CARD10: variants seen among roughly 807,000 people sequenced by gnomAD.
The protein encoded by CARD10 is caspase recruitment domain-containing protein 10.
A neutral mutation model predicts 114.6 loss-of-function variants in CARD10; 49 were observed. The ratio of observed to expected loss-of-function variants is 0.43; its 90% CI spans 0.34 to 0.54. CARD10 has a LOEUF of 0.54. Among genes scored for constraint, CARD10 ranks in the 20% least tolerant of loss-of-function variants. CARD10 has a pLI of 0.03. For missense variants in CARD10, 1,206 were observed against 1,397.2 expected, an observed-to-expected ratio of 0.86 and a Z score of 2.18; for synonymous variants, 602 against 593.2, an observed-to-expected ratio of 1.01 and a Z score of -0.21.
rs767082361 is a variant in CARD10, at chr22:37,497,055, C to G, written c.1911G>C (p.Leu637=). 7 of 1,614,054 alleles carry G rather than the reference C, an allele frequency of 4.3e-6. No individual in the cohort carries two copies. The highest frequency in any genetic ancestry group is 5.9e-6 in the Non-Finnish European group (7 of 1,179,978). The change falls in exon 12 of 20, where the codon CTG becomes CTC. Residue 637 remains leucine, a synonymous_variant. Coordinates refer to ENST00000251973, the MANE Select transcript of CARD10 (RefSeq NM_014550.4). ...CCATCCTGGCGGACCCAGGCCCAGA[C>G]AGCACCCTGCGCACCACAGCCCCAG... ...RWSGAVVRRV[L]SGPGSARMEP...
Position 37,502,407 on chromosome 22 carries a change from G to C in CARD10, c.1787+195C>G, listed in dbSNP as rs1017561477. Among the ~76,000 whole-genome samples, 4 of 152,200 alleles carry C rather than the reference G, an allele frequency of 2.6e-5. 1 individual carries two copies. Among genetic ancestry groups the C allele is most frequent in the African/African-American group, 9.7e-5 (4 of 41,438 alleles). ...TGAGGAAATGGAGGCCCAGAGAAGT[G>C]AAGGGACCAGCCCAAGTCACAGGGA... is the stretch of plus-strand genomic sequence containing the variant. On this transcript the variant is annotated intron_variant, in intron 11 of 19. Coordinates refer to ENST00000251973, the MANE Select transcript of CARD10 (RefSeq NM_014550.4).
rs749698833 is a variant in CARD10, at chr22:37,515,991, G to A, written c.681C>T (p.Ser227=). 1 of 1,586,540 alleles carries A rather than the reference G, an allele frequency of 6.3e-7. No homozygotes were observed. Among genetic ancestry groups the A allele is most frequent in the South Asian group, 1.1e-5 (1 of 88,064 alleles). The change falls in exon 3 of 20, where the codon AGC becomes AGT. Residue 227 remains serine (S), a synonymous_variant. Transcript: ENST00000251973. ...GGCCTACCGCCAGCTGCAGGTCACG[G>A]CTGCGAAGTACAGCCGAGTTCTTCT... ...SEEKNSAVLR[S]RDLQLAVDQL... is the part of the protein sequence containing the mutation.
intron 14 of CARD10, 61 bp from the exon 15 acceptor site, chr22:37,495,647 AC>A: frequency 2.5e-6 from 4 of 1,610,738 alleles, no homozygotes; most frequent in Middle Eastern, 1.7e-4. Context: ...TTCTCCTCGA[AC>A]CCCCCGCCCT....
rs374863849 is a variant in CARD10, at chr22:37,495,727, G to A, written c.2303+33C>T. The A allele has an allele frequency of 5.1e-4, 826 of 1,612,512 alleles. 2 individuals carry two copies. The highest frequency in any genetic ancestry group is 6.4e-4 in the Non-Finnish European group (758 of 1,178,992). On this transcript the variant is annotated intron_variant, in intron 14 of 19. Coordinates refer to ENST00000251973, the MANE Select transcript of CARD10 (RefSeq NM_014550.4). Reference sequence around the variant, plus strand: ...CCCATCTGAGCCCTGGCTCCCAGGGGGACCCCATCCCCAGCTCCTGGCTCT... The same window carrying A: ...CCCATCTGAGCCCTGGCTCCCAGGGAGACCCCATCCCCAGCTCCTGGCTCT...
intron 11 of CARD10, among the ~76,000 whole-genome samples, chr22:37,500,138 G>A (rs1186645543): frequency 2.0e-5 from 3 of 152,214 alleles, no homozygotes; most frequent in African/African-American, 7.2e-5. Context: ...ACTGAAGCAT[G>A]CCACACAGAT....
In CARD10 at chr22:37,508,666, C is replaced by A. The variant is rs1458526362; in HGVS notation, c.926G>T (p.Gly309Val). ...CAGGATGCGCTCGGAGCCCGGGGCC[C>A]CCGGCCGGCTCGCCTCCTGGGGATC... The part of the protein sequence containing the change: ...EGLQQEASRP[G>V]APGSERILLD... The change falls in exon 5 of 20, where the codon GGG becomes GTG. Residue 309 changes from glycine to valine, a missense_variant. Around this residue, in one of 2 missense-constraint regions of CARD10, gnomAD observed 1,068 missense variants for 1,179.1 expected, o/e 0.91. Transcript: ENST00000251973. 1.3e-6 allele frequency: 2 copies of A among 1,569,660 alleles called. No individual in the cohort carries two copies. Among genetic ancestry groups the A allele is most frequent in the East Asian group, 2.3e-5 (1 of 42,926 alleles).
In CARD10 at chr22:37,516,272, G is replaced by T; in HGVS notation, c.400C>A (p.Gln134Lys). Residue 134 changes from glutamine (Q) to lysine (K), a missense_variant, in exon 3 of 20, where the codon CAA (glutamine) becomes AAA (lysine). Gln to Lys is a moderately conservative substitution (Grantham distance 53, BLOSUM62 1). Around this residue, in one of 2 missense-constraint regions of CARD10, gnomAD observed 138 missense variants for 218.0 expected, o/e 0.63. Transcript: ENST00000251973. ...LDEEGPEGLT[Q>K]FLMTEVRRLR... ...CGTCGCACCTCTGTCATCAAGAATT[G>T]GGTCAGGCCCTCAGGCCCCTCCTCA... 1 of 1,600,386 alleles carries T rather than the reference G, an allele frequency of 6.2e-7. No individual in the cohort carries two copies.
intron 1 of CARD10, among the ~76,000 whole-genome samples, chr22:37,518,658 C>G (rs942695276): frequency 8.5e-5 from 13 of 152,306 alleles, no homozygotes; most frequent in Middle Eastern, 3.4e-3. Flanking sequence ...CGGCTGTGAC[C>G]GGGAGGTCCC....
chr22:37,500,340 T>C (rs998321363), intron 11 of CARD10, among the ~76,000 whole-genome samples: 35 of 152,098 alleles, frequency 2.3e-4, no homozygotes, highest in Non-Finnish European at 2.9e-4. Context: ...TGGGCAGTGG[T>C]GAGGCTATGC....
At position 37,519,079 on chromosome 22, in the gene CARD10, G is replaced by T; in HGVS notation, c.122C>A (p.Ala41Asp). The change falls in exon 1 of 20, where the codon GCC (alanine) becomes GAC (aspartate). Residue 41 changes from alanine (A) to aspartate (D), a missense_variant. Physicochemically the swap from Ala to Asp is moderately radical, Grantham distance 126. This residue lies in a region of CARD10 where 138 missense variants were observed against 218.0 expected (regional missense o/e 0.63). Coordinates refer to ENST00000251973, the MANE Select transcript of CARD10 (RefSeq NM_014550.4). The surrounding 1 kb of genome is among the most constrained non-coding windows in gnomAD (Gnocchi z 4.1). ...IEGVRHRLAR[A>D]LNPAKLTPYL... ...CGGCGTGAGCTTGGCCGGGTTCAGG[G>T]CGCGAGCCAGCCGATGCCGGACGCC... 1 of 1,585,524 alleles carries T rather than the reference G, an allele frequency of 6.3e-7. No individual in the cohort carries two copies. The highest frequency in any genetic ancestry group is 8.5e-7 in the Non-Finnish European group (1 of 1,173,808).
In CARD10 at chr22:37,508,506, AGG is replaced by A. The variant is rs754823303; in HGVS notation, c.1065+19_1065+20del. On this transcript the variant is annotated intron_variant, in intron 5 of 19. Coordinates refer to ENST00000251973, the MANE Select transcript of CARD10 (RefSeq NM_014550.4). ...CCTGACACCCTCCCGCACAAGGGGC[AGG>A]GCACGGGCAGGGCCCCACCTGGTCG... is the stretch of plus-strand genomic sequence containing the variant. 28 of 1,572,682 alleles carry A rather than the reference AGG, an allele frequency of 1.8e-5. No homozygotes were observed. Among genetic ancestry groups the A allele is most frequent in the South Asian group, 1.6e-4 (14 of 87,206 alleles).
intron 10 of CARD10, 113 bp from the exon 11 acceptor site, chr22:37,502,838 C>T: frequency 7.9e-7 from 1 of 1,269,888 alleles, no homozygotes; most frequent in Non-Finnish European, 1.1e-6. Flanking sequence ...AGGTTTGAGG[C>T]CCCAGGAGCA....
chr22:37,501,931 C>T lies in CARD10; in HGVS notation c.1787+671G>A, dbSNP rs1303239781. On this transcript the variant is annotated intron_variant, in intron 11 of 19. Coordinates refer to ENST00000251973, the MANE Select transcript of CARD10 (RefSeq NM_014550.4). The surrounding 1 kb of genome is among the most constrained non-coding windows in gnomAD (Gnocchi z 5.4). ...CCCCCTCGCTCCTCCTCCACAGTCA[C>T]CGGATGCTCTCCCTACCTGCCCTCT... Among the ~76,000 whole-genome samples, 1 of 152,238 alleles carries T rather than the reference C, an allele frequency of 6.6e-6. No individual in the cohort carries two copies. The highest frequency in any genetic ancestry group is 1.5e-5 in the Non-Finnish European group (1 of 68,042).
In CARD10 at chr22:37,504,181, C is replaced by A; in HGVS notation, c.1634+5G>T. ...GGTGTCTACTGCTATCCCCAGCCAT[C>A]TCACCTCTTAGGGGGTGCGGGGTCT... On this transcript the variant is annotated splice_donor_5th_base_variant and intron_variant, in intron 9 of 19. Transcript: ENST00000251973. The A allele has an allele frequency of 6.5e-7, 1 of 1,549,656 alleles. No individual in the cohort carries two copies. The highest frequency in any genetic ancestry group is 8.7e-7 in the Non-Finnish European group (1 of 1,143,776).
At position 37,496,092 on chromosome 22, in the gene CARD10, C is replaced by T. The variant is rs1044826266; in HGVS notation, c.2060-89G>A. On this transcript the variant is annotated intron_variant, in intron 13 of 19. Coordinates refer to ENST00000251973, the MANE Select transcript of CARD10 (RefSeq NM_014550.4). This position sits in a 1 kb window ranked among gnomAD's most constrained non-coding sequence, Gnocchi z 4.1. Reference sequence around the variant, plus strand: ...GGCCTTGGTGGGGCCAAAGACATGGCCCTCTCGAGGCCTGAGTTCCCAGGA... The same window carrying T: ...GGCCTTGGTGGGGCCAAAGACATGGTCCTCTCGAGGCCTGAGTTCCCAGGA... 17 of 1,522,038 alleles carry T rather than the reference C, an allele frequency of 1.1e-5. No homozygotes were observed. In the African/African-American group the frequency reaches 2.3e-4, roughly 21 times the overall value. 94.3% of individuals were successfully genotyped at this position (1,522,038 alleles called of 1,614,324 possible). A position where few individuals can be genotyped will look rare whatever the true frequency, so the allele number is the denominator to read the frequency against.
chr22:37,491,675 G>C (rs1264480513), intron 19 of CARD10, 80 bp downstream of exon 19: 10 of 708,444 alleles, frequency 1.4e-5, no homozygotes, highest in South Asian at 3.0e-5. Flanking sequence ...GGAGAGAGAG[G>C]GGGGAGGGAG....
chr22:37,506,786 T>C (rs145215123), intron 6 of CARD10, among the ~76,000 whole-genome samples: 1 of 152,058 alleles, frequency 6.6e-6, no homozygotes, highest in Admixed American at 6.6e-5. Context: ...GCCCACTGCA[T>C]CCACAGTGAA....
At position 37,518,011 on chromosome 22, in the gene CARD10, G is replaced by C. The variant is rs759055864; in HGVS notation, c.333C>G (p.Leu111=). Residue 111 remains leucine (L), a synonymous_variant, in exon 2 of 20, where the codon CTC becomes CTG. Coordinates refer to ENST00000251973, the MANE Select transcript of CARD10 (RefSeq NM_014550.4). The part of the protein sequence containing the change: ...EFYYPEHFTL[L]TGQEPAQRCS... The stretch of plus-strand genomic sequence containing the variant: ...AGCGCTGGGCGGGTTCCTGGCCCGT[G>C]AGCAGCGTGAAGTGTTCGGGGTAGT... 1 of 1,614,080 alleles carries C rather than the reference G, an allele frequency of 6.2e-7. No individual in the cohort carries two copies. The highest frequency in any genetic ancestry group is 8.5e-7 in the Non-Finnish European group (1 of 1,179,996).
Position 37,519,306 on chromosome 22 carries a change from G to C in CARD10, c.-106C>G. ...CCCCCGGGGCGTCGTCCGCAGACCC[G>C]CCGTCGGGGGCGCGCCCCGAGCTCC... On this transcript the variant is annotated 5_prime_UTR_variant, in exon 1 of 20. Coordinates refer to ENST00000251973, the MANE Select transcript of CARD10 (RefSeq NM_014550.4). The surrounding 1 kb of genome is among the most constrained non-coding windows in gnomAD (Gnocchi z 4.1). 1 of 1,342,024 alleles carries C rather than the reference G, an allele frequency of 7.5e-7. No homozygotes were observed. Among genetic ancestry groups the C allele is most frequent in the Non-Finnish European group, 9.5e-7 (1 of 1,049,908 alleles). 83.1% of individuals were successfully genotyped at this position (1,342,024 alleles called of 1,614,324 possible).
Sources: allele counts gnomAD v4.1 joint callset (sites outside exome capture counted in the v4.1 genomes callset), GRCh38; gene constraint gnomAD v4.1.1; regional missense constraint gnomAD v4.1.1; non-coding constraint Gnocchi (gnomAD v3.1); transcripts MANE v1.5; gene names NCBI Gene and HGNC (gene_info 2026-07-23, HGNC 2026-07-21).